Variants in PCDHA6 observed in about 807,000 individuals in gnomAD.
PCDHA6 encodes protocadherin alpha-6.
In PCDHA6, 55 loss-of-function variants were observed where a neutral mutation model predicts 60.3. The observed-to-expected ratio is 0.91, with a 90% confidence interval of 0.73 to 1.14. The LOEUF (loss-of-function observed/expected upper bound fraction) is 1.14. PCDHA6 is among the 50% of genes most tolerant of loss of function. The pLI, the probability that PCDHA6 is intolerant of heterozygous loss-of-function variation, is 0.00. For synonymous variants in PCDHA6, 652 were observed against 557.9 expected (o/e 1.17, Z -2.38); for missense variants, 1,327 against 1,256.5 (o/e 1.06, Z -0.85).
chr5:140,857,491 G>A, intron 1 of PCDHA6: 2 of 1,598,340 alleles, frequency 1.3e-6, no homozygotes, highest in Non-Finnish European at 1.7e-6. Flanking sequence ...CGTGGGACGC[G>A]GACGCGCAGG....
intron 1 of PCDHA6, chr5:140,870,723 C>A: frequency 1.9e-6 from 3 of 1,613,170 alleles, no homozygotes; most frequent in East Asian, 4.5e-5. Context: ...GCGATGCGGG[C>A]GTGCCGCCTC....
In PCDHA6 at chr5:140,854,136, C is replaced by T. The variant is rs1341561455; in HGVS notation, c.2394+23651C>T. 15 of 398,606 alleles carry T rather than the reference C, an allele frequency of 3.8e-5. 1 individual carries two copies. The highest frequency in any genetic ancestry group is 1.0e-4 in the South Asian group (1 of 9,692). 24.7% of individuals were successfully genotyped at this position (398,606 alleles called of 1,614,324 possible). ...GTGATGGCACAACTGCATTTCAGCCCGGGTGACAGCAAGATTCTGTCTCAA... is the reference window on the plus strand; with the variant it reads ...GTGATGGCACAACTGCATTTCAGCCTGGGTGACAGCAAGATTCTGTCTCAA... On this transcript the variant is annotated intron_variant, in intron 1 of 3. Transcript: ENST00000529310.
intron 3 of PCDHA6, 171 bp from the exon 4 acceptor site, chr5:141,009,456 C>CAAAT: frequency 3.2e-6 from 3 of 947,762 alleles, no homozygotes; most frequent in Non-Finnish European, 2.5e-6. Flanking sequence ...AAAAATTAAA[C>CAAAT]AAATAAATAA....
At position 140,845,398 on chromosome 5, in the gene PCDHA6, G is replaced by A. The variant is rs1272388366; in HGVS notation, c.2394+14913G>A. Among the ~76,000 whole-genome samples the A allele has an allele frequency of 2.0e-5, 3 of 149,302 alleles. 1 individual carries two copies. The highest frequency in any genetic ancestry group is 4.5e-5 in the Non-Finnish European group (3 of 66,780). ...ATAGGAGGATTCTTTCCACCACCTA[G>A]CATTGTATTTGGCAATTTATCATTT... On this transcript the variant is annotated intron_variant, in intron 1 of 3. Coordinates refer to ENST00000529310, the MANE Select transcript of PCDHA6 (RefSeq NM_018909.4).
At position 140,875,798 on chromosome 5, in the gene PCDHA6, T is replaced by C. The variant is rs377753022; in HGVS notation, c.2394+45313T>C. On this transcript the variant is annotated intron_variant, in intron 1 of 3. Coordinates refer to ENST00000529310, the MANE Select transcript of PCDHA6 (RefSeq NM_018909.4). ...GAGTGCAGTATCCACCTGGAGGTGATCGTGGACAGGCCGCTGCAGGTTTTC... is the reference window on the plus strand; with the variant it reads ...GAGTGCAGTATCCACCTGGAGGTGACCGTGGACAGGCCGCTGCAGGTTTTC... 1.5e-5 allele frequency: 24 copies of C among 1,614,138 alleles called. No individual in the cohort carries two copies. In the African/African-American group the frequency reaches 3.1e-4, roughly 21 times the overall value.
chr5:141,002,141 A>G (rs1554258528), intron 3 of PCDHA6, among the ~76,000 whole-genome samples: 3 of 152,258 alleles, frequency 2.0e-5, no homozygotes, highest in Admixed American at 6.5e-5. Context: ...TGCCGGCTGC[A>G]CTGACTTAGC....
chr5:140,890,776 A>T (rs1554184541), intron 1 of PCDHA6, among the ~76,000 whole-genome samples: 2 of 152,198 alleles, frequency 1.3e-5, no homozygotes, highest in Non-Finnish European at 2.9e-5. Context: ...TTAAAACCCC[A>T]TAAGATATTA....
At chr5:140,887,059 C>G (rs1474485995) in intron 1 of PCDHA6, among the ~76,000 whole-genome samples, 1 of 151,642 alleles carries the variant, frequency 6.6e-6, no homozygotes, top group Non-Finnish European at 1.5e-5. Flanking sequence ...TATGTTCTGG[C>G]AACAAATTCA....
intron 3 of PCDHA6, among the ~76,000 whole-genome samples, chr5:140,998,569 G>GTT (rs71574497): frequency 0.068 from 10,108 of 149,316 alleles, 392 homozygotes; most frequent in Middle Eastern, 0.14. Flanking sequence ...TTGTAAATAA[G>GTT]TTTTTTTTTT....
intron 1 of PCDHA6, chr5:140,852,028 TATTG>T (rs1203440654): frequency 2.1e-6 from 2 of 942,992 alleles, no homozygotes; most frequent in Admixed American, 6.3e-5. Flanking sequence ...AAACTTCGCT[TATTG>T]AGTTTTTGTT....
intron 1 of PCDHA6, chr5:140,865,831 C>T (rs1554159632): frequency 6.6e-6 from 1 of 152,124 alleles, no homozygotes. Context: ...GTAGAGCTTT[C>T]TTTAGTAAGT....
intron 2 of PCDHA6, among the ~76,000 whole-genome samples, chr5:140,980,713 C>A (rs1034858406): frequency 1.3e-5 from 2 of 151,364 alleles, no homozygotes; most frequent in Non-Finnish European, 2.9e-5. Context: ...TGCTCCTATT[C>A]GGGTTTCAAT....
chr5:140,931,088 A>G (rs1178910459), intron 1 of PCDHA6, among the ~76,000 whole-genome samples: 1 of 152,196 alleles, frequency 6.6e-6, no homozygotes, highest in African/African-American at 2.4e-5. Context: ...AGTTCTACAG[A>G]TGACAAAGGA....
intron 1 of PCDHA6, chr5:140,875,319 A>T: frequency 7.0e-7 from 1 of 1,428,968 alleles, no homozygotes; most frequent in South Asian, 1.6e-5. Context: ...CATTCCAATC[A>T]TTCACGGAAT....
rs1259591783 is a variant in PCDHA6, at chr5:141,009,842, G to C, written c.2758G>C (p.Glu920Gln). 1.2e-6 allele frequency: 2 copies of C among 1,613,960 alleles called. No individual in the cohort carries two copies. The highest frequency in any genetic ancestry group is 1.7e-6 in the Non-Finnish European group (2 of 1,180,014). ...TGACTTCATAACCTTCGGCAAAAAG[G>C]AGGAGACCAAGAAAAAGAAGAAAAA... ...KSDFITFGKKEETKKKKKKKK... is the reference protein window; with the variant it reads ...KSDFITFGKKQETKKKKKKKK... The change falls in exon 4 of 4, where the codon GAG becomes CAG. Residue 920 changes from glutamate (E) to glutamine (Q), a missense_variant. Coordinates refer to ENST00000529310, the MANE Select transcript of PCDHA6 (RefSeq NM_018909.4).
intron 1 of PCDHA6, chr5:140,868,151 C>A (rs1421051830): frequency 6.6e-6 from 1 of 151,990 alleles, no homozygotes. Flanking sequence ...GATTCTGTTA[C>A]ATAAAGTGCT....
At position 140,843,195 on chromosome 5, in the gene PCDHA6, G is replaced by T. The variant is rs1554139855; in HGVS notation, c.2394+12710G>T. 5.6e-6 allele frequency: 9 copies of T among 1,596,020 alleles called. 1 individual carries two copies. The highest frequency in any genetic ancestry group is 3.3e-5 in the South Asian group (3 of 90,494). On this transcript the variant is annotated intron_variant, in intron 1 of 3. Transcript: ENST00000529310. ...AGCCCTCGCATCCCGTTCCGCGTGG[G>T]GCTGTACACGGGCGAGATCAGCACC...
intron 1 of PCDHA6, among the ~76,000 whole-genome samples, chr5:140,879,906 T>C (rs993531346): frequency 6.6e-6 from 1 of 152,214 alleles, no homozygotes; most frequent in Admixed American, 6.5e-5. Context: ...TCTCTCTCTA[T>C]GTGTTGGTTT....
At chr5:140,876,950 C>A in intron 1 of PCDHA6, 1 of 1,613,514 alleles carries the variant, frequency 6.2e-7, no homozygotes, top group Non-Finnish European at 8.5e-7. Context: ...GTGTCCTACT[C>A]GCTGGTGGAG....
Sources: allele counts gnomAD v4.1 joint callset (sites outside exome capture counted in the v4.1 genomes callset), GRCh38; gene constraint gnomAD v4.1.1; transcripts MANE v1.5; gene names NCBI Gene and HGNC (gene_info 2026-07-23, HGNC 2026-07-21).